SCNN1B: variants seen among roughly 807,000 people sequenced by gnomAD.
The protein encoded by SCNN1B is epithelial sodium channel subunit beta.
SCNN1B carries 46 observed loss-of-function variants against 65.3 expected under a neutral mutation model. The ratio of observed to expected loss-of-function variants is 0.70; its 90% CI spans 0.56 to 0.90. The LOEUF (loss-of-function observed/expected upper bound fraction) is 0.90. SCNN1B is among the 40% of genes least tolerant of loss of function. The pLI, the probability that SCNN1B is intolerant of heterozygous loss-of-function variation, is 0.00. For synonymous variants in SCNN1B, 349 were observed against 330.6 expected, an observed-to-expected ratio of 1.06 and a Z score of -0.60; for missense variants, 751 against 830.5, an observed-to-expected ratio of 0.90 and a Z score of 1.18.
Position 23,278,583 on chromosome 16 carries a change from C to T in SCNN1B, n.110+243C>T, listed in dbSNP as rs564715356. Among the ~76,000 whole-genome samples, 20 of 152,098 alleles carry T rather than the reference C, an allele frequency of 1.3e-4. No homozygotes were observed. The East Asian group carries it at 3.9e-3, about 29-fold the overall frequency. ...GTAGTGGGAGACGGGAGGGGGGTAA[C>T]TGCTTAATGAGTATGGGGTTTTCTT... On this transcript the variant is annotated intron_variant and non_coding_transcript_variant, in intron 1 of 3. Coordinates refer to the SCNN1B transcript ENST00000569789.
chr16:23,345,502 G>C (rs375995499), intron 1 of SCNN1B, among the ~76,000 whole-genome samples: 3 of 152,128 alleles, frequency 2.0e-5, no homozygotes, highest in African/African-American at 7.2e-5. Flanking sequence ...TCTCCATCTC[G>C]TGCCTCTTCT....
chr16:23,365,474 GAGAA>G (rs1962631578), intron 4 of SCNN1B, among the ~76,000 whole-genome samples: 1 of 123,832 alleles, frequency 8.1e-6, no homozygotes, highest in Non-Finnish European at 1.7e-5. Flanking sequence ...AAAGAAAAGA[GAGAA>G]AGAAAAAGAA....
chr16:23,319,789 A>C (rs1644616470), intron 1 of SCNN1B, among the ~76,000 whole-genome samples: 1 of 151,760 alleles, frequency 6.6e-6, no homozygotes, highest in African/African-American at 2.4e-5. Flanking sequence ...TTTTTTTGAC[A>C]CAGGGTCTTG....
intron 1 of SCNN1B, among the ~76,000 whole-genome samples, chr16:23,331,304 C>A (rs1961806964): frequency 6.6e-6 from 1 of 151,538 alleles, no homozygotes; most frequent in Non-Finnish European, 1.5e-5. Flanking sequence ...GTTCAAGGGG[C>A]CAGGGAGCTT....
chr16:23,349,219 T>A (rs770159081), intron 2 of SCNN1B, among the ~76,000 whole-genome samples: 9 of 152,186 alleles, frequency 5.9e-5, no homozygotes, highest in Non-Finnish European at 1.3e-4. Flanking sequence ...TGCAGTGGCC[T>A]GTAATAACAG....
intron 1 of SCNN1B, among the ~76,000 whole-genome samples, chr16:23,319,604 A>T (rs899588495): frequency 6.6e-6 from 1 of 152,226 alleles, no homozygotes; most frequent in Non-Finnish European, 1.5e-5. Context: ...CTGCTTTTGC[A>T]CTATGATGGC....
At chr16:23,329,993 C>G (rs1466632275) in intron 1 of SCNN1B, among the ~76,000 whole-genome samples, 1 of 150,768 alleles carries the variant, frequency 6.6e-6, no homozygotes, top group East Asian at 2.0e-4. Context: ...CACCACTGCA[C>G]TCCAGCCTGT....
chr16:23,372,238 G>A (rs536133499), intron 7 of SCNN1B: 17 of 361,180 alleles, frequency 4.7e-5, no homozygotes, highest in Admixed American at 7.6e-5. Flanking sequence ...ACATTCCATC[G>A]TCATTTAATC....
intron 8 of SCNN1B, among the ~76,000 whole-genome samples, chr16:23,376,735 C>T (rs537031870): frequency 2.9e-5 from 4 of 139,712 alleles, no homozygotes; most frequent in African/African-American, 1.1e-4. Context: ...CATGGCAAAA[C>T]CCCGTCTATA....
intron 8 of SCNN1B, 74 bp downstream of exon 8, chr16:23,375,929 A>C: frequency 9.5e-7 from 1 of 1,049,066 alleles, no homozygotes; most frequent in South Asian, 1.3e-5. Flanking sequence ...AGGAGGAGGC[A>C]GAGCTCAGTG....
In SCNN1B at chr16:23,380,874, T is replaced by G; in HGVS notation, c.*73T>G. ...GACTGTTGCCCGAGGCCTCACTGTA[T>G]GGTGCCCTCTCCAAAGGGTCGGGAG... On this transcript the variant is annotated 3_prime_UTR_variant, in exon 13 of 13. Coordinates refer to ENST00000343070, the MANE Select transcript of SCNN1B (RefSeq NM_000336.3). This position sits in a 1 kb window ranked among gnomAD's most constrained non-coding sequence, Gnocchi z 5.4. 2 of 1,531,096 alleles carry G rather than the reference T, an allele frequency of 1.3e-6. No individual in the cohort carries two copies. Among genetic ancestry groups the G allele is most frequent in the Non-Finnish European group, 1.8e-6 (2 of 1,108,162 alleles). 94.8% of individuals were successfully genotyped at this position (1,531,096 alleles called of 1,614,324 possible).
At chr16:23,280,687 C>A (rs1960772019) in intron 1 of SCNN1B, among the ~76,000 whole-genome samples, 1 of 152,152 alleles carries the variant, frequency 6.6e-6, no homozygotes, top group Non-Finnish European at 1.5e-5. Flanking sequence ...CAGGAAATGT[C>A]AGAAGCTTCC....
chr16:23,325,800 C>A (rs1306221750), intron 1 of SCNN1B, among the ~76,000 whole-genome samples: 1 of 151,902 alleles, frequency 6.6e-6, no homozygotes, highest in South Asian at 2.1e-4. Flanking sequence ...CATCTGTAAT[C>A]TCAACACTTT....
At position 23,368,125 on chromosome 16, in the gene SCNN1B, C is replaced by G. The variant is rs35989682; in HGVS notation, c.880+166C>G. Reference sequence around the variant, plus strand: ...TACTGTGTGCCAGGGGAGGCCAGGCCAGGCGCTTCCTCAGCCATTCCCGCC... The same window carrying G: ...TACTGTGTGCCAGGGGAGGCCAGGCGAGGCGCTTCCTCAGCCATTCCCGCC... On this transcript the variant is annotated intron_variant, in intron 5 of 12. Transcript: ENST00000343070. Among the ~76,000 whole-genome samples the G allele has an allele frequency of 0.033, 4,990 of 152,268 alleles. 132 individuals carry two copies. The highest frequency in any genetic ancestry group is 0.073 in the Admixed American group (1,120 of 15,278).
rs1223701346 is a variant in SCNN1B, at chr16:23,374,268, G to GA, written c.1153-1449dup. ...GCAACAGAGTGAGACCCTGTCTCAGGAAAAAAAAAAAAAAAAAAAAAGAGG... is the reference window on the plus strand; with the variant it reads ...GCAACAGAGTGAGACCCTGTCTCAGGAAAAAAAAAAAAAAAAAAAAAAGAGG... On this transcript the variant is annotated intron_variant, in intron 7 of 12. Coordinates refer to ENST00000343070, the MANE Select transcript of SCNN1B (RefSeq NM_000336.3). 6.9e-3 allele frequency among the ~76,000 whole-genome samples: 414 copies of GA among 60,426 alleles called. 15 individuals carry two copies. Among genetic ancestry groups the GA allele is most frequent in the Middle Eastern group, 0.023 (2 of 86 alleles). 39.6% of individuals were successfully genotyped at this position (60,426 alleles called of 152,430 possible).
chr16:23,299,823 C>T (rs571854875), upstream of SCNN1B, among the ~76,000 whole-genome samples: 11 of 152,312 alleles, frequency 7.2e-5, no homozygotes, highest in East Asian at 1.2e-3. Context: ...CCATTTGACT[C>T]AGCAGTCCCG....
In SCNN1B at chr16:23,355,484, C is replaced by A; in HGVS notation, c.771C>A (p.Asn257Lys). The change falls in exon 4 of 13, where the codon AAC becomes AAA. Residue 257 changes from asparagine (N) to lysine (K), a missense_variant. Asn to Lys is a moderately conservative substitution (Grantham distance 94, BLOSUM62 0). Coordinates refer to ENST00000343070, the MANE Select transcript of SCNN1B (RefSeq NM_000336.3). ...LACLFGAEPC[N>K]YRNFTSIFYP... ...GCCTATTCGGAGCTGAGCCCTGCAA[C>A]TACCGGTGAGAGCCACCCCAAGCCC... is the stretch of plus-strand genomic sequence containing the variant. 6.2e-7 allele frequency: 1 copy of A among 1,614,096 alleles called. No individual in the cohort carries two copies. Among genetic ancestry groups the A allele is most frequent in the Non-Finnish European group, 8.5e-7 (1 of 1,180,036 alleles).
rs1207615715 is a variant in SCNN1B, at chr16:23,314,552, A to T, written c.-9+12115A>T. 2.0e-5 allele frequency among the ~76,000 whole-genome samples: 3 copies of T among 152,010 alleles called. No homozygotes were observed. In the East Asian group the frequency reaches 5.8e-4, roughly 29 times the overall value. The stretch of plus-strand genomic sequence containing the variant: ...CCCAAGCAGTTTGACTGTAGATCCC[A>T]CTCTGTTCACCCCAGCTTGCCTCTC... On this transcript the variant is annotated intron_variant, in intron 1 of 12. Coordinates refer to ENST00000343070, the MANE Select transcript of SCNN1B (RefSeq NM_000336.3).
chr16:23,291,601 G>C (rs1437148835), intron 2 of SCNN1B, among the ~76,000 whole-genome samples: 2 of 150,906 alleles, frequency 1.3e-5, no homozygotes, highest in Non-Finnish European at 3.0e-5. Flanking sequence ...TTGAGACAGG[G>C]TCTCGCTCTG....
Sources: allele counts gnomAD v4.1 joint callset (sites outside exome capture counted in the v4.1 genomes callset), GRCh38; gene constraint gnomAD v4.1.1; non-coding constraint Gnocchi (gnomAD v3.1); transcripts MANE v1.5; gene names NCBI Gene and HGNC (gene_info 2026-07-23, HGNC 2026-07-21).